The following FSIP1 variants were observed in gnomAD, a reference collection of about 807,000 sequenced individuals.
The protein encoded by FSIP1 is fibrous sheath-interacting protein 1.
FSIP1 carries 65 observed loss-of-function variants against 60.9 expected under a neutral mutation model. That is an observed-to-expected ratio of 1.07 (90% CI 0.87 to 1.31). The LOEUF (loss-of-function observed/expected upper bound fraction) is 1.31. FSIP1 is among the 40% of genes most tolerant of loss of function. FSIP1 has a pLI of 0.00. For synonymous variants in FSIP1, 209 were observed against 221.2 expected (o/e 0.94, Z 0.49); for missense variants, 675 against 665.5 (o/e 1.01, Z -0.16).
intron 10 of FSIP1, among the ~76,000 whole-genome samples, chr15:39,682,755 A>G (rs943341986): frequency 4.5e-4 from 69 of 152,240 alleles, no homozygotes; most frequent in South Asian, 1.4e-3. Flanking sequence ...AAGACTACAT[A>G]TAACAAGACA....
Position 39,761,249 on chromosome 15 carries a change from T to C in FSIP1, c.559+2572A>G, listed in dbSNP as rs374937344. 3.3e-5 allele frequency among the ~76,000 whole-genome samples: 5 copies of C among 152,306 alleles called. 1 individual carries two copies. The highest frequency in any genetic ancestry group is 6.5e-5 in the Admixed American group (1 of 15,292). On this transcript the variant is annotated intron_variant, in intron 5 of 11. Transcript: ENST00000350221. ...TTTACCCAAAAGCTTTGGAATTCGTTTGTCAACGAGATGTCTGCTCTCCCA... is the reference window on the plus strand; with the variant it reads ...TTTACCCAAAAGCTTTGGAATTCGTCTGTCAACGAGATGTCTGCTCTCCCA...
chr15:39,706,642 G>C (rs764291620), intron 10 of FSIP1, among the ~76,000 whole-genome samples: 19 of 152,108 alleles, frequency 1.2e-4, no homozygotes, highest in Non-Finnish European at 2.5e-4. Context: ...ATAAACAAAA[G>C]CACAAGAATA....
intron 10 of FSIP1, among the ~76,000 whole-genome samples, chr15:39,639,653 T>C (rs1249319854): frequency 6.6e-6 from 1 of 152,114 alleles, no homozygotes; most frequent in African/African-American, 2.4e-5. Flanking sequence ...GATTCTACCA[T>C]AAAGTATACA....
intron 11 of FSIP1, among the ~76,000 whole-genome samples, chr15:39,604,950 T>A (rs1460353797): frequency 6.6e-6 from 1 of 152,132 alleles, no homozygotes; most frequent in East Asian, 1.9e-4. Context: ...TCTCAAACAA[T>A]CTAGTTCCCT....
At chr15:39,624,967 A>G (rs2140392349) in intron 10 of FSIP1, among the ~76,000 whole-genome samples, 1 of 152,334 alleles carries the variant, frequency 6.6e-6, no homozygotes, top group Non-Finnish European at 1.5e-5. Flanking sequence ...GGACAGAATA[A>G]TACTGAGTGT....
chr15:39,649,042 C>T (rs904538359), intron 10 of FSIP1, among the ~76,000 whole-genome samples: 4 of 151,794 alleles, frequency 2.6e-5, no homozygotes, highest in African/African-American at 9.7e-5. Flanking sequence ...TGGAAGAGAA[C>T]TAAGCAAACG....
chr15:39,661,078 T>C (rs1893277366), intron 10 of FSIP1, among the ~76,000 whole-genome samples: 1 of 152,048 alleles, frequency 6.6e-6, no homozygotes, highest in African/African-American at 2.4e-5. Context: ...AATAAATAAA[T>C]AAATCAATAA....
chr15:39,698,649 C>T (rs1234827577), intron 10 of FSIP1, among the ~76,000 whole-genome samples: 1 of 152,232 alleles, frequency 6.6e-6, no homozygotes, highest in African/African-American at 2.4e-5. Flanking sequence ...GCCACATACA[C>T]TTGAGCAGTG....
At chr15:39,659,463 A>G (rs2140449910) in intron 10 of FSIP1, among the ~76,000 whole-genome samples, 1 of 151,290 alleles carries the variant, frequency 6.6e-6, no homozygotes, top group East Asian at 1.9e-4. Context: ...AATGGCGTGA[A>G]CCCAGGAGGC....
intron 11 of FSIP1, among the ~76,000 whole-genome samples, chr15:39,615,319 A>G (rs1466772471): frequency 1.3e-5 from 2 of 152,106 alleles, no homozygotes; most frequent in Non-Finnish European, 2.9e-5. Context: ...CAAAGTAAAG[A>G]GACAATCTGT....
chr15:39,769,508 G>A (rs1327034705), intron 3 of FSIP1, among the ~76,000 whole-genome samples: 1 of 152,052 alleles, frequency 6.6e-6, no homozygotes, highest in African/African-American at 2.4e-5. Context: ...AAGTAAAAAC[G>A]GTGTTCCATT....
rs780899915 is a variant in FSIP1, at chr15:39,713,456, C to A, written c.1176G>T (p.Met392Ile). ...CAAAAAGACTTACCACATTTTCCTTCATCATTTTCAGCTTTTCATCAATCT... is the reference window on the plus strand; with the variant it reads ...CAAAAAGACTTACCACATTTTCCTTAATCATTTTCAGCTTTTCATCAATCT... ...LREIDEKLKM[M>I]KENVLESTSC... is the part of the protein sequence containing the mutation. The change falls in exon 10 of 12, where the codon ATG (methionine) becomes ATT (isoleucine). Residue 392 changes from methionine (M) to isoleucine (I), a missense_variant. Met to Ile is a conservative substitution (Grantham distance 10). Coordinates refer to ENST00000350221, the MANE Select transcript of FSIP1 (RefSeq NM_152597.5). 4 of 1,591,910 alleles carry A rather than the reference C, an allele frequency of 2.5e-6. No individual in the cohort carries two copies. The highest frequency in any genetic ancestry group is 3.4e-6 in the Non-Finnish European group (4 of 1,172,978).
rs1897844832 is a variant in FSIP1, at chr15:39,770,518, C to T, written c.219G>A (p.Gln73=). Residue 73 remains glutamine, a synonymous_variant, in exon 3 of 12, where the codon CAG becomes CAA. Coordinates refer to ENST00000350221, the MANE Select transcript of FSIP1 (RefSeq NM_152597.5). The stretch of plus-strand genomic sequence containing the variant: ...ATTTTATTTTCTCAGAGCAGCTTTC[C>T]TGCTTATCATCATTACTAGTTCTTC... ...ENRRTSNDDK[Q]ESCSEKIKLA... 6.2e-7 allele frequency: 1 copy of T among 1,611,596 alleles called. No individual in the cohort carries two copies. The highest frequency in any genetic ancestry group is 8.5e-7 in the Non-Finnish European group (1 of 1,179,576).
At chr15:39,765,822 T>C in intron 3 of FSIP1, 76 bp from the exon 4 acceptor site, 3 of 788,612 alleles carry the variant, frequency 3.8e-6, no homozygotes, top group Non-Finnish European at 4.0e-6. Context: ...TTACAATTTG[T>C]TCTTTCATTC....
At chr15:39,733,787 G>T (rs1325353963) in intron 8 of FSIP1, among the ~76,000 whole-genome samples, 1 of 152,134 alleles carries the variant, frequency 6.6e-6, no homozygotes, top group Non-Finnish European at 1.5e-5. Flanking sequence ...ACTGCCTACA[G>T]ATGTAGCAGC....
intron 2 of FSIP1, among the ~76,000 whole-genome samples, chr15:39,771,359 C>G (rs1897879986): frequency 2.0e-5 from 3 of 152,184 alleles, no homozygotes; most frequent in Admixed American, 2.0e-4. Context: ...GAGAGACTGT[C>G]TCCTCCAGCC....
At chr15:39,749,448 A>G (rs545773019) in intron 5 of FSIP1, among the ~76,000 whole-genome samples, 36 of 152,174 alleles carry the variant, frequency 2.4e-4, no homozygotes, top group African/African-American at 8.7e-4. Flanking sequence ...TCAACAATAT[A>G]TCAAAAAGAC....
At chr15:39,682,269 T>C (rs1168533624) in intron 10 of FSIP1, among the ~76,000 whole-genome samples, 1 of 152,226 alleles carries the variant, frequency 6.6e-6, no homozygotes, top group South Asian at 2.1e-4. Context: ...GACATTTTTA[T>C]ATGCTTATAA....
intron 1 of FSIP1, among the ~76,000 whole-genome samples, chr15:39,780,648 T>C (rs2140745148): frequency 2.0e-5 from 3 of 152,380 alleles, no homozygotes; most frequent in Middle Eastern, 6.8e-3. Flanking sequence ...ACTTAGGTGG[T>C]ATATAGAATA....
Sources: allele counts gnomAD v4.1 joint callset (sites outside exome capture counted in the v4.1 genomes callset), GRCh38; gene constraint gnomAD v4.1.1; transcripts MANE v1.5; gene names NCBI Gene and HGNC (gene_info 2026-07-23, HGNC 2026-07-21).